KLHL18: variants seen among roughly 807,000 people sequenced by gnomAD.
KLHL18 encodes the protein kelch-like protein 18.
A neutral mutation model predicts 58.5 loss-of-function variants in KLHL18; 38 were observed. That is an observed-to-expected ratio of 0.65 (90% CI 0.50 to 0.85). The LOEUF (loss-of-function observed/expected upper bound fraction) is 0.85. Ranked by LOEUF, KLHL18 falls within the 40% of genes least tolerant of loss-of-function variation. KLHL18 has a pLI of 0.00. For synonymous variants in KLHL18, 303 were observed against 301.9 expected (o/e 1.00, Z -0.04); for missense variants, 624 against 778.4 (o/e 0.80, Z 2.36).
intron 1 of KLHL18, chr3:47,297,467 C>T (rs1702920873): frequency 2.3e-6 from 1 of 437,204 alleles, no homozygotes; most frequent in South Asian, 1.6e-5. Flanking sequence ...CTGTTTATTT[C>T]TTCAGGACTG....
chr3:47,322,682 C>T lies in KLHL18; in HGVS notation c.375C>T (p.Asp125=), dbSNP rs751268021. 16 of 1,599,644 alleles carry T rather than the reference C, an allele frequency of 1.0e-5. No homozygotes were observed. Among genetic ancestry groups the T allele is most frequent in the East Asian group, 6.8e-5 (3 of 44,102 alleles). The change falls in exon 3 of 10, where the codon GAC becomes GAT. Residue 125 remains aspartate (D), a synonymous_variant. Coordinates refer to ENST00000232766, the MANE Select transcript of KLHL18 (RefSeq NM_025010.5). ...TCCTGCAGCTGCAGAGCATCAAAGA[C>T]GCCTGCTGCACATTCCTTCGAGAAC... ...ASFLQLQSIK[D]ACCTFLRERL...
intron 1 of KLHL18, among the ~76,000 whole-genome samples, chr3:47,291,433 G>A (rs1702789289): frequency 6.6e-6 from 1 of 152,186 alleles, no homozygotes; most frequent in South Asian, 2.1e-4. Flanking sequence ...GGTGAACCAA[G>A]GTGCGTGAAC....
intron 6 of KLHL18, 34 bp from the exon 7 acceptor site, chr3:47,336,501 T>C (rs1433381944): frequency 2.5e-6 from 4 of 1,572,968 alleles, no homozygotes; most frequent in Non-Finnish European, 3.5e-6. Context: ...AGTGGTCTCA[T>C]TTGTTTTAAT....
At chr3:47,342,092 A>T (rs1704122288) in intron 8 of KLHL18, among the ~76,000 whole-genome samples, 1 of 151,564 alleles carries the variant, frequency 6.6e-6, no homozygotes, top group South Asian at 2.1e-4. Flanking sequence ...TCTCAAAAAT[A>T]AAAAAAAATT....
chr3:47,327,740 TG>T (rs1703759254), intron 3 of KLHL18, among the ~76,000 whole-genome samples: 1 of 152,238 alleles, frequency 6.6e-6, no homozygotes. Flanking sequence ...CAGGCTGGAA[TG>T]AAATAACTAT....
At chr3:47,343,432 C>G (rs1311160885) in intron 9 of KLHL18, 123 bp from the exon 10 acceptor site, 2 of 1,187,168 alleles carry the variant, frequency 1.7e-6, no homozygotes, top group African/African-American at 1.5e-5. Context: ...GGGAGAGCTC[C>G]TTGTCCCCAT....
chr3:47,317,551 G>C (rs1703484696), intron 1 of KLHL18, among the ~76,000 whole-genome samples: 1 of 152,132 alleles, frequency 6.6e-6, no homozygotes, highest in African/African-American at 2.4e-5. Flanking sequence ...TCAAGAAACA[G>C]ACAACTTAAA....
chr3:47,297,009 T>TG (rs1024289218), intron 1 of KLHL18, among the ~76,000 whole-genome samples: 1 of 152,154 alleles, frequency 6.6e-6, no homozygotes, highest in African/African-American at 2.4e-5. Flanking sequence ...TAGTAGGAAG[T>TG]GGGGGGAGGG....
At chr3:47,307,131 G>A (rs1173126151) in intron 1 of KLHL18, among the ~76,000 whole-genome samples, 1 of 152,146 alleles carries the variant, frequency 6.6e-6, no homozygotes, top group Non-Finnish European at 1.5e-5. Flanking sequence ...GAGTGCAGTG[G>A]CAAGATCCTG....
intron 1 of KLHL18, among the ~76,000 whole-genome samples, chr3:47,292,393 G>T (rs1458599301): frequency 6.6e-6 from 1 of 151,674 alleles, no homozygotes; most frequent in Non-Finnish European, 1.5e-5. Context: ...AGAATTGCTT[G>T]AACCCAGGAG....
chr3:47,340,734 C>T, intron 8 of KLHL18, 58 bp downstream of exon 8: 2 of 1,597,952 alleles, frequency 1.3e-6, no homozygotes, highest in Non-Finnish European at 8.6e-7. Context: ...GTATAAAAAT[C>T]AGAACTGTAG....
chr3:47,343,707 C>T lies in KLHL18; in HGVS notation c.1491C>T (p.Tyr497=), dbSNP rs769692698. Residue 497 remains tyrosine, a synonymous_variant, in exon 10 of 10, where the codon TAC becomes TAT. Transcript: ENST00000232766. ...GSGFLSIAEM[Y]SSVADQWCLI... is the part of the protein sequence containing the mutation. ...GCTTCCTCAGCATTGCCGAGATGTA[C>T]AGCTCTGTGGCAGACCAGTGGTGCC... The T allele has an allele frequency of 1.2e-6, 2 of 1,614,218 alleles. No homozygotes were observed. The highest frequency in any genetic ancestry group is 1.7e-6 in the Non-Finnish European group (2 of 1,180,052).
chr3:47,331,737 C>CTT (rs774228257), intron 4 of KLHL18, among the ~76,000 whole-genome samples: 8 of 140,542 alleles, frequency 5.7e-5, no homozygotes, highest in African/African-American at 1.3e-4. Flanking sequence ...CAGGCCCGAC[C>CTT]TTTTTTTTTT....
intron 2 of KLHL18, among the ~76,000 whole-genome samples, chr3:47,321,578 G>C (rs1474598073): frequency 2.0e-5 from 3 of 152,110 alleles, no homozygotes; most frequent in Admixed American, 6.5e-5. Flanking sequence ...TCGAGCTCCT[G>C]ACCTCAGGTG....
intron 1 of KLHL18, among the ~76,000 whole-genome samples, chr3:47,303,193 T>C (rs1703064131): frequency 6.6e-6 from 1 of 152,242 alleles, no homozygotes; most frequent in Non-Finnish European, 1.5e-5. Context: ...ATAACAATGA[T>C]GGCATCTTCC....
chr3:47,343,747 C>T lies in KLHL18; in HGVS notation c.1531C>T (p.His511Tyr). The T allele has an allele frequency of 6.2e-7, 1 of 1,614,228 alleles. No individual in the cohort carries two copies. The highest frequency in any genetic ancestry group is 1.1e-5 in the South Asian group (1 of 91,086). The change falls in exon 10 of 10, where the codon CAC becomes TAC. Residue 511 changes from histidine to tyrosine, a missense_variant. By Grantham distance (83) the His-to-Tyr change is moderately conservative. Transcript: ENST00000232766. ...ADQWCLIVPM[H>Y]TRRSRVSLVA... ...CCAGTGGTGCCTGATTGTCCCCATG[C>T]ACACGCGCAGGAGCCGGGTCTCCCT...
At chr3:47,343,318 G>A (rs983241152) in intron 9 of KLHL18, among the ~76,000 whole-genome samples, 9 of 152,152 alleles carry the variant, frequency 5.9e-5, no homozygotes, top group Non-Finnish European at 1.2e-4. Flanking sequence ...GCATCCTTGG[G>A]CACATCCTTT....
chr3:47,334,162 T>C lies in KLHL18; in HGVS notation c.762-521T>C, dbSNP rs566273734. 2.0e-5 allele frequency among the ~76,000 whole-genome samples: 3 copies of C among 152,100 alleles called. No homozygotes were observed. Among genetic ancestry groups the C allele is most frequent in the Non-Finnish European group, 4.4e-5 (3 of 68,014 alleles). On this transcript the variant is annotated intron_variant, in intron 5 of 9. Transcript: ENST00000232766. This position sits in a 1 kb window ranked among gnomAD's most constrained non-coding sequence, Gnocchi z 4.7. The stretch of plus-strand genomic sequence containing the variant: ...CAGTGACCAGCGGTCTCAAGGGTGC[T>C]GTTGAGGAGTTTGGACTTTATTCTG...
At chr3:47,316,599 ATATG>A (rs1256198366) in intron 1 of KLHL18, among the ~76,000 whole-genome samples, 14 of 122,846 alleles carry the variant, frequency 1.1e-4, no homozygotes, top group Non-Finnish European at 2.0e-4. Flanking sequence ...ATATACGTAT[ATATG>A]TATATGTGTG....
Sources: allele counts gnomAD v4.1 joint callset (sites outside exome capture counted in the v4.1 genomes callset), GRCh38; gene constraint gnomAD v4.1.1; non-coding constraint Gnocchi (gnomAD v3.1); transcripts MANE v1.5; gene names NCBI Gene and HGNC (gene_info 2026-07-23, HGNC 2026-07-21).